The following DENND5A variants were observed in gnomAD, a reference collection of about 807,000 sequenced individuals.
DENND5A encodes the protein DENN domain-containing protein 5A.
DENND5A carries 64 observed loss-of-function variants against 140.3 expected under a neutral mutation model. The ratio of observed to expected loss-of-function variants is 0.46; its 90% CI spans 0.37 to 0.56. DENND5A has a LOEUF of 0.56. DENND5A is among the 20% of genes least tolerant of loss of function. The pLI is 0.00. For missense variants in DENND5A, 1,292 were observed against 1,593.8 expected (o/e 0.81, Z 3.22); for synonymous variants, 605 against 607.7 (o/e 1.00, Z 0.07).
chr11:9,219,607 C>A (rs1266300659), intron 1 of DENND5A, among the ~76,000 whole-genome samples: 1 of 152,104 alleles, frequency 6.6e-6, no homozygotes, highest in African/African-American at 2.4e-5. Context: ...GAAACTGGAG[C>A]CATCACGAGA....
intron 5 of DENND5A, among the ~76,000 whole-genome samples, chr11:9,192,959 TC>T (rs1849189539): frequency 1.3e-5 from 2 of 152,236 alleles, no homozygotes; most frequent in Admixed American, 1.3e-4. Flanking sequence ...GCACAGTGGC[TC>T]ATGCCTATAA....
chr11:9,141,579 G>A (rs1419473546), intron 22 of DENND5A, among the ~76,000 whole-genome samples: 4 of 152,104 alleles, frequency 2.6e-5, no homozygotes, highest in Admixed American at 2.6e-4. Context: ...ACAGCAGCCT[G>A]AAGAATAAAA....
Position 9,165,751 on chromosome 11 carries a change from C to T in DENND5A, c.2283+85G>A, listed in dbSNP as rs1848167175. On this transcript the variant is annotated intron_variant, in intron 11 of 22. Coordinates refer to ENST00000328194, the MANE Select transcript of DENND5A (RefSeq NM_015213.4). Reference sequence around the variant, plus strand: ...GCCCAGCCAACAGTATTTTTAAAATCCAGAGGGAGTGGTCAGAGCCAATCC... The same window carrying T: ...GCCCAGCCAACAGTATTTTTAAAATTCAGAGGGAGTGGTCAGAGCCAATCC... 3.4e-6 allele frequency: 5 copies of T among 1,487,242 alleles called. No individual in the cohort carries two copies. The South Asian group carries it at 4.8e-5, about 14-fold the overall frequency. 92.1% of individuals were successfully genotyped at this position (1,487,242 alleles called of 1,614,324 possible).
intron 5 of DENND5A, among the ~76,000 whole-genome samples, chr11:9,187,773 A>C (rs1229703773): frequency 2.0e-5 from 3 of 152,206 alleles, no homozygotes; most frequent in Admixed American, 1.3e-4. Context: ...GAAGCCTAAG[A>C]CAAAGGATGC....
intron 8 of DENND5A, 162 bp downstream of exon 8, chr11:9,177,970 G>A: frequency 1.5e-6 from 1 of 659,508 alleles, no homozygotes; most frequent in Non-Finnish European, 2.7e-6. Flanking sequence ...AGGATGAGAA[G>A]AAGATAACCA....
At chr11:9,242,632 A>C (rs1851282966) in intron 1 of DENND5A, 1 of 152,186 alleles carries the variant, frequency 6.6e-6, no homozygotes, top group Non-Finnish European at 1.5e-5. Flanking sequence ...CATGGGGATA[A>C]TACCATCTAA....
At chr11:9,179,157 AT>A (rs901512648) in intron 6 of DENND5A, 84 bp from the exon 7 acceptor site, 475 of 1,250,460 alleles carry the variant, frequency 3.8e-4, no homozygotes, top group Non-Finnish European at 4.4e-4. Context: ...TTTTTATCTG[AT>A]TTTTTTTTAC....
chr11:9,200,786 G>A (rs1292123227), intron 4 of DENND5A, among the ~76,000 whole-genome samples: 7 of 152,144 alleles, frequency 4.6e-5, no homozygotes, highest in African/African-American at 1.7e-4. Context: ...ACCTCTTAAC[G>A]GAACTCTTTG....
chr11:9,149,271 A>G (rs1221464379), intron 15 of DENND5A, among the ~76,000 whole-genome samples: 2 of 152,192 alleles, frequency 1.3e-5, no homozygotes, highest in Non-Finnish European at 2.9e-5. Context: ...GGGACATTCT[A>G]TCAAGATATA....
chr11:9,187,704 G>A (rs1029012254), intron 5 of DENND5A, among the ~76,000 whole-genome samples: 3 of 152,174 alleles, frequency 2.0e-5, no homozygotes, highest in African/African-American at 7.2e-5. Flanking sequence ...GCTTAATTCT[G>A]TAATATAGCT....
At chr11:9,169,177 T>C (rs1260660458) in intron 10 of DENND5A, among the ~76,000 whole-genome samples, 1 of 152,220 alleles carries the variant, frequency 6.6e-6, no homozygotes, top group East Asian at 1.9e-4. Flanking sequence ...CTGGGCGCAG[T>C]AGCTCACACC....
At chr11:9,149,046 A>AT (rs1157120872) in intron 15 of DENND5A, among the ~76,000 whole-genome samples, 2 of 152,224 alleles carry the variant, frequency 1.3e-5, no homozygotes, top group African/African-American at 4.8e-5. Context: ...TTCAAGGTAA[A>AT]GGGGGCACTA....
At chr11:9,239,909 T>G (rs936213461) in intron 1 of DENND5A, among the ~76,000 whole-genome samples, 1 of 152,240 alleles carries the variant, frequency 6.6e-6, no homozygotes, top group Non-Finnish European at 1.5e-5. Context: ...AATTTATGTA[T>G]AGTCCCTCGG....
At position 9,249,133 on chromosome 11, in the gene DENND5A, C is replaced by T. The variant is rs550049758; in HGVS notation, c.109+15828G>A. 1.3e-4 allele frequency among the ~76,000 whole-genome samples: 20 copies of T among 151,816 alleles called. No individual in the cohort carries two copies. In the South Asian group the frequency reaches 3.7e-3, roughly 28 times the overall value. ...GTCCCAGTTACTCAGGAGGCTGAGG[C>T]AGGAGAATGGCGTGAACCCGGGAGG... On this transcript the variant is annotated intron_variant, in intron 1 of 22. Coordinates refer to ENST00000328194, the MANE Select transcript of DENND5A (RefSeq NM_015213.4).
intron 1 of DENND5A, among the ~76,000 whole-genome samples, chr11:9,236,934 ATATATT>A (rs1348260169): frequency 4.6e-5 from 7 of 152,184 alleles, no homozygotes; most frequent in African/African-American, 1.7e-4. Context: ...ATGCACAGAA[ATATATT>A]TAGAACACAT....
At chr11:9,224,739 T>G (rs1564925508) in intron 1 of DENND5A, among the ~76,000 whole-genome samples, 1 of 150,798 alleles carries the variant, frequency 6.6e-6, no homozygotes, top group Admixed American at 6.7e-5. Flanking sequence ...GCGCCTGTAA[T>G]CCCAGCCACT....
intron 5 of DENND5A, among the ~76,000 whole-genome samples, chr11:9,192,278 C>T (rs972220854): frequency 1.3e-5 from 2 of 152,182 alleles, no homozygotes; most frequent in Admixed American, 6.5e-5. Context: ...GATCCAGTTC[C>T]ATGAGAATGC....
chr11:9,144,318 T>G, intron 18 of DENND5A, 40 bp from the exon 19 acceptor site: 1 of 1,597,920 alleles, frequency 6.3e-7, no homozygotes, highest in Non-Finnish European at 8.6e-7. Flanking sequence ...AGCCAGCTCC[T>G]CCCTGCTGCT....
In DENND5A at chr11:9,169,773, A is replaced by G. The variant is rs1311320119; in HGVS notation, c.2151+83T>C. ...AGGTCATTGCTGAGACGTTTGAATC[A>G]GACCAGAGAACAGGAAATGAGAAAG... On this transcript the variant is annotated intron_variant, in intron 10 of 22. Transcript: ENST00000328194. 36 of 903,506 alleles carry G rather than the reference A, an allele frequency of 4.0e-5. No individual in the cohort carries two copies. In the East Asian group the frequency reaches 8.0e-4, roughly 20 times the overall value. 56.0% of individuals were successfully genotyped at this position (903,506 alleles called of 1,614,324 possible). A position where few individuals can be genotyped will look rare whatever the true frequency, so the allele number is the denominator to read the frequency against.
Sources: allele counts gnomAD v4.1 joint callset (sites outside exome capture counted in the v4.1 genomes callset), GRCh38; gene constraint gnomAD v4.1.1; transcripts MANE v1.5; gene names NCBI Gene and HGNC (gene_info 2026-07-23, HGNC 2026-07-21).